Variants in PTPRK observed in about 807,000 individuals in gnomAD.
PTPRK encodes receptor-type tyrosine-protein phosphatase kappa.
PTPRK carries 75 observed loss-of-function variants against 178.0 expected under a neutral mutation model. The ratio of observed to expected loss-of-function variants is 0.42; its 90% CI spans 0.35 to 0.51. The LOEUF (loss-of-function observed/expected upper bound fraction) is 0.51, where lower values mean the gene tolerates loss of function less well. Ranked by LOEUF, PTPRK falls within the 20% of genes least tolerant of loss-of-function variation. The pLI is 0.02. For synonymous variants in PTPRK, 637 were observed against 620.6 expected, an observed-to-expected ratio of 1.03 and a Z score of -0.39; for missense variants, 1,441 against 1,797.8, an observed-to-expected ratio of 0.80 and a Z score of 3.59.
chr6:128,462,713 T>A (rs1405471997), intron 1 of PTPRK, among the ~76,000 whole-genome samples: 1 of 151,968 alleles, frequency 6.6e-6, no homozygotes, highest in East Asian at 1.9e-4. Flanking sequence ...TGGAGTGCAA[T>A]GGCATGATCT....
At chr6:128,004,433 G>A (rs961192654) in intron 15 of PTPRK, among the ~76,000 whole-genome samples, 2 of 151,744 alleles carry the variant, frequency 1.3e-5, no homozygotes, top group African/African-American at 4.8e-5. Context: ...GTACTTCAGC[G>A]GAAATATTTT....
At chr6:128,068,348 C>T (rs1036456755) in intron 11 of PTPRK, among the ~76,000 whole-genome samples, 1 of 152,154 alleles carries the variant, frequency 6.6e-6, no homozygotes, top group Admixed American at 6.6e-5. Flanking sequence ...ATCTAAAATA[C>T]AAGTGACATG....
In PTPRK at chr6:128,159,018, T is replaced by C. The variant is rs140444385; in HGVS notation, c.1162+25414A>G. Among the ~76,000 whole-genome samples the C allele has an allele frequency of 5.5e-3, 843 of 151,950 alleles. 5 individuals carry two copies. Among genetic ancestry groups the C allele is most frequent in the Middle Eastern group, 0.024 (7 of 294 alleles). On this transcript the variant is annotated intron_variant, in intron 7 of 29. Transcript: ENST00000368226. Reference sequence around the variant, plus strand: ...GGTCAAAAATCCTTCACTTAATTAATTGACTATATTGAAATTATTTTAGTT... The same window carrying C: ...GGTCAAAAATCCTTCACTTAATTAACTGACTATATTGAAATTATTTTAGTT...
At chr6:128,384,477 G>A (rs183927270) in intron 2 of PTPRK, among the ~76,000 whole-genome samples, 3 of 152,104 alleles carry the variant, frequency 2.0e-5, no homozygotes, top group African/African-American at 7.2e-5. Context: ...GGCTTCCCTA[G>A]GCCATACTGG....
intron 7 of PTPRK, among the ~76,000 whole-genome samples, chr6:128,179,442 T>A (rs1801580951): frequency 6.6e-6 from 1 of 152,024 alleles, no homozygotes; most frequent in African/African-American, 2.4e-5. Context: ...TTCCATTACT[T>A]TTCCTGTGGC....
At chr6:127,970,656 C>T (rs897228713) in intron 29 of PTPRK, among the ~76,000 whole-genome samples, 6 of 151,940 alleles carry the variant, frequency 3.9e-5, no homozygotes, top group African/African-American at 9.7e-5. Context: ...ATAATTCTAT[C>T]ATCAGAAGAA....
chr6:128,071,724 G>A (rs1782861602), intron 11 of PTPRK, among the ~76,000 whole-genome samples: 1 of 151,838 alleles, frequency 6.6e-6, no homozygotes, highest in Non-Finnish European at 1.5e-5. Flanking sequence ...GAAATCAATT[G>A]TAATCATGGT....
intron 2 of PTPRK, among the ~76,000 whole-genome samples, chr6:128,362,976 T>A (rs62425676): frequency 0.079 from 12,098 of 152,224 alleles, 633 homozygotes; most frequent in Non-Finnish European, 0.12. Context: ...ACTGAAGTTC[T>A]GCCAAAACAG....
chr6:128,022,513 TGA>T (rs1341451524), intron 13 of PTPRK, among the ~76,000 whole-genome samples: 1 of 152,210 alleles, frequency 6.6e-6, no homozygotes, highest in Non-Finnish European at 1.5e-5. Flanking sequence ...ACATATTCCA[TGA>T]GAGTTTTGAA....
chr6:128,150,927 G>C (rs1036073018), intron 7 of PTPRK, among the ~76,000 whole-genome samples: 5 of 152,028 alleles, frequency 3.3e-5, no homozygotes, highest in Admixed American at 2.6e-4. Context: ...ATAGTATTTG[G>C]CAAAGACAAT....
chr6:128,507,704 G>A (rs1277390793), intron 1 of PTPRK, among the ~76,000 whole-genome samples: 1 of 152,118 alleles, frequency 6.6e-6, no homozygotes, highest in East Asian at 1.9e-4. Flanking sequence ...AGAGCAAACA[G>A]GATTCTGCAG....
At chr6:128,096,041 A>G (rs1787855890) in intron 7 of PTPRK, among the ~76,000 whole-genome samples, 1 of 152,184 alleles carries the variant, frequency 6.6e-6, no homozygotes, top group African/African-American at 2.4e-5. Context: ...TAATTGTTAC[A>G]GTGAGAAAGG....
At chr6:128,360,494 T>A (rs956128202) in intron 2 of PTPRK, among the ~76,000 whole-genome samples, 7 of 152,172 alleles carry the variant, frequency 4.6e-5, no homozygotes, top group Non-Finnish European at 1.0e-4. Flanking sequence ...TGCTATTATA[T>A]AACGTCAAGG....
At chr6:128,386,113 G>T (rs980429395) in intron 2 of PTPRK, among the ~76,000 whole-genome samples, 31 of 151,774 alleles carry the variant, frequency 2.0e-4, no homozygotes, top group Non-Finnish European at 3.7e-4. Flanking sequence ...CTTAATAAAG[G>T]TTCTTTAATT....
intron 7 of PTPRK, among the ~76,000 whole-genome samples, chr6:128,098,927 A>C (rs533699168): frequency 3.3e-5 from 5 of 152,016 alleles, no homozygotes; most frequent in African/African-American, 1.2e-4. Context: ...AGGAGGGGTT[A>C]ATTTCTTCAC....
At chr6:128,294,655 C>G (rs1309787612) in intron 3 of PTPRK, among the ~76,000 whole-genome samples, 1 of 152,034 alleles carries the variant, frequency 6.6e-6, no homozygotes, top group Non-Finnish European at 1.5e-5. Context: ...GAGGGTATAT[C>G]TGATAGTAAT....
chr6:128,439,088 C>T (rs886715276), intron 1 of PTPRK, among the ~76,000 whole-genome samples: 8 of 151,984 alleles, frequency 5.3e-5, no homozygotes, highest in Admixed American at 2.0e-4. Flanking sequence ...TTTAAAAAAA[C>T]GGAAAAATTT....
At chr6:128,166,940 T>C (rs1035247478) in intron 7 of PTPRK, among the ~76,000 whole-genome samples, 3 of 151,762 alleles carry the variant, frequency 2.0e-5, no homozygotes, top group Admixed American at 2.0e-4. Context: ...GATATTACGT[T>C]TTCTGTTTCC....
At chr6:128,094,940 C>T (rs928499320) in intron 7 of PTPRK, among the ~76,000 whole-genome samples, 27 of 151,852 alleles carry the variant, frequency 1.8e-4, no homozygotes, top group African/African-American at 3.9e-4. Context: ...AAGAGGGAAA[C>T]GGAACAGAAA....
Sources: gnomAD v4.1 joint callset for allele counts (sites outside exome capture counted in the v4.1 genomes callset) on GRCh38, gnomAD v4.1.1 for gene constraint, MANE v1.5 for transcripts, NCBI Gene and HGNC (gene_info 2026-07-23, HGNC 2026-07-21) for gene names.